Variants in CPLANE1 observed in about 807,000 individuals in gnomAD.
CPLANE1 encodes the protein ciliogenesis and planar polarity effector 1.
A neutral mutation model predicts 362.5 loss-of-function variants in CPLANE1; 263 were observed. That is an observed-to-expected ratio of 0.73 (90% CI 0.66 to 0.80). CPLANE1 has a LOEUF of 0.80. CPLANE1 is among the 30% of genes least tolerant of loss of function. The probability of loss-of-function intolerance (pLI) is 0.00; values close to 1 mark genes in which losing one functional copy is unlikely to be tolerated. For missense variants in CPLANE1, 3,461 were observed against 3,793.4 expected, an observed-to-expected ratio of 0.91 and a Z score of 2.30; for synonymous variants, 1,212 against 1,302.6, an observed-to-expected ratio of 0.93 and a Z score of 1.50.
downstream of CPLANE1, among the ~76,000 whole-genome samples, chr5:37,104,801 T>C (rs1317282664): frequency 2.0e-5 from 3 of 150,970 alleles, no homozygotes; most frequent in Non-Finnish European, 4.4e-5. Context: ...CAGGCGCCTG[T>C]AGTCCCAGCT....
intron 38 of CPLANE1, 119 bp downstream of exon 38, chr5:37,162,346 G>A (rs1466332988): frequency 1.6e-6 from 1 of 636,368 alleles, no homozygotes; most frequent in Non-Finnish European, 2.7e-6. Context: ...AATCTAGGCA[G>A]AGTAAATAAT....
intron 23 of CPLANE1, 81 bp downstream of exon 23, chr5:37,187,333 T>A: frequency 8.4e-7 from 1 of 1,184,234 alleles, no homozygotes; most frequent in African/African-American, 1.6e-5. Context: ...AAAGGCAACA[T>A]CATCCTTAAT....
At chr5:37,197,910 C>G (rs2151396801) in intron 20 of CPLANE1, among the ~76,000 whole-genome samples, 1 of 152,268 alleles carries the variant, frequency 6.6e-6, no homozygotes, top group South Asian at 2.1e-4. Flanking sequence ...CAACCAACCA[C>G]TAGTTACTTT....
chr5:37,112,157 A>G (rs1261821960), intron 51 of CPLANE1, among the ~76,000 whole-genome samples: 4 of 152,244 alleles, frequency 2.6e-5, no homozygotes, highest in Non-Finnish European at 4.4e-5. Context: ...CCAAATGAAC[A>G]TAATTATTGT....
chr5:37,209,510 G>A lies in CPLANE1; in HGVS notation c.2921-3085C>T, dbSNP rs1439086056. On this transcript the variant is annotated intron_variant, in intron 16 of 52. Coordinates refer to ENST00000651892, the MANE Select transcript of CPLANE1 (RefSeq NM_001384732.1). The surrounding 1 kb of genome is among the most constrained non-coding windows in gnomAD (Gnocchi z 4.6). Reference sequence around the variant, plus strand: ...GAAACCAGCTAATTCATGAGTTAATGCACCCTGTATTGAGTGGAGAACTGC... The same window carrying A: ...GAAACCAGCTAATTCATGAGTTAATACACCCTGTATTGAGTGGAGAACTGC... 2 of 1,274,946 alleles carry A rather than the reference G, an allele frequency of 1.6e-6. No individual in the cohort carries two copies. Among genetic ancestry groups the A allele is most frequent in the Non-Finnish European group, 2.3e-6 (2 of 872,320 alleles). 79.0% of individuals were successfully genotyped at this position (1,274,946 alleles called of 1,614,324 possible). A position where few individuals can be genotyped will look rare whatever the true frequency, so the allele number is the denominator to read the frequency against.
intron 39 of CPLANE1, 119 bp downstream of exon 39, chr5:37,158,105 C>A: frequency 8.5e-7 from 1 of 1,175,842 alleles, no homozygotes; most frequent in South Asian, 1.6e-5. Context: ...ACCTTTACTA[C>A]AAAGCTACAT....
chr5:37,227,577 T>C lies in CPLANE1; in HGVS notation c.1362A>G (p.Ile454Met). 6.4e-7 allele frequency: 1 copy of C among 1,550,420 alleles called. No individual in the cohort carries two copies. The highest frequency in any genetic ancestry group is 1.2e-5 in the South Asian group (1 of 83,704). Residue 454 changes from isoleucine to methionine, a missense_variant, in exon 10 of 53, where the codon ATA becomes ATG. Physicochemically the swap from Ile to Met is conservative, Grantham distance 10. This residue lies in a region of CPLANE1 where 3,380 missense variants were observed against 3,666.1 expected (regional missense o/e 0.92). Coordinates refer to ENST00000651892, the MANE Select transcript of CPLANE1 (RefSeq NM_001384732.1). ...QRLEKIYQSV[I>M]LSKPKGKGLN... ...TAAAAAAGCACTATACCTTAGACAA[T>C]ATCACACTTTGATATATTTTCTCAA...
intron 44 of CPLANE1, chr5:37,141,675 A>AG: frequency 2.0e-6 from 2 of 984,206 alleles, no homozygotes; most frequent in Non-Finnish European, 2.4e-6. Flanking sequence ...AATATCTGAG[A>AG]GAAAAAAAAT....
At chr5:37,210,781 C>A in intron 16 of CPLANE1, 1 of 1,274,288 alleles carries the variant, frequency 7.8e-7, no homozygotes, top group Non-Finnish European at 1.1e-6. Context: ...AACCGCCTAG[C>A]TCAGCTGGCT....
chr5:37,187,208 T>C (rs778091660), intron 23 of CPLANE1, among the ~76,000 whole-genome samples: 5 of 151,990 alleles, frequency 3.3e-5, no homozygotes, highest in Admixed American at 6.6e-5. Context: ...ACAACCACCA[T>C]TCCACTCTCT....
At chr5:37,167,762 G>T (rs1242515282) in intron 34 of CPLANE1, among the ~76,000 whole-genome samples, 1 of 152,160 alleles carries the variant, frequency 6.6e-6, no homozygotes, top group African/African-American at 2.4e-5. Context: ...TGGTGACAGG[G>T]CAAGGCTCCG....
the CPLANE1 span, among the ~76,000 whole-genome samples, chr5:37,100,941 G>A: frequency 1.3e-5 from 2 of 152,138 alleles, no homozygotes; most frequent in African/African-American, 4.8e-5. Context: ...GAATGTCAGC[G>A]ATTTTTGCAC....
In CPLANE1 at chr5:37,108,441, T is replaced by C. The variant is rs754053320; in HGVS notation, c.9431A>G (p.His3144Arg). The C allele has an allele frequency of 3.1e-6, 5 of 1,614,086 alleles. No individual in the cohort carries two copies. The highest frequency in any genetic ancestry group is 3.4e-6 in the Non-Finnish European group (4 of 1,180,032). The change falls in exon 52 of 53, where the codon CAT (histidine) becomes CGT (arginine). Residue 3144 changes from histidine to arginine, a missense_variant. Around this residue, in one of 2 missense-constraint regions of CPLANE1, gnomAD observed 3,380 missense variants for 3,666.1 expected, o/e 0.92. Coordinates refer to ENST00000651892, the MANE Select transcript of CPLANE1 (RefSeq NM_001384732.1). ...GSNAPCHSLQHTKKHGSAGLA... is the reference protein window; with the variant it reads ...GSNAPCHSLQRTKKHGSAGLA... Reference sequence around the variant, plus strand: ...CCCAGCACTTCCATGTTTTTTTGTATGCTGCAGACTATGACACGGAGCATT... The same window carrying C: ...CCCAGCACTTCCATGTTTTTTTGTACGCTGCAGACTATGACACGGAGCATT...
At chr5:37,210,427 T>A in intron 16 of CPLANE1, 1 of 1,015,912 alleles carries the variant, frequency 9.8e-7, no homozygotes, top group Non-Finnish European at 1.5e-6. Flanking sequence ...AAGTATCAAC[T>A]TGAACTAAAG....
chr5:37,102,080 G>T (rs1757320696), downstream of CPLANE1, among the ~76,000 whole-genome samples: 1 of 150,770 alleles, frequency 6.6e-6, no homozygotes, highest in Non-Finnish European at 1.5e-5. Context: ...TTTCATGTCT[G>T]TATTTCCTTC....
At chr5:37,227,926 C>T in intron 9 of CPLANE1, 109 bp from the exon 10 acceptor site, 1 of 1,008,194 alleles carries the variant, frequency 9.9e-7, no homozygotes, top group Non-Finnish European at 1.4e-6. Flanking sequence ...AAAAAGCAAG[C>T]AAGTGAAACA....
At chr5:37,201,850 T>C (rs775296097) in intron 18 of CPLANE1, 42 bp from the exon 19 acceptor site, 7 of 1,366,304 alleles carry the variant, frequency 5.1e-6, no homozygotes, top group Non-Finnish European at 4.1e-6. Context: ...AAAGCTTGTA[T>C]TAAACTTCTT....
At chr5:37,235,295 T>G (rs755991802) in intron 8 of CPLANE1, among the ~76,000 whole-genome samples, 1 of 152,028 alleles carries the variant, frequency 6.6e-6, no homozygotes, top group African/African-American at 2.4e-5. Context: ...AAGATCTCTA[T>G]GAGGAGAACA....
At chr5:37,115,155 G>A in intron 50 of CPLANE1, 106 bp from the exon 51 acceptor site, 1 of 773,514 alleles carries the variant, frequency 1.3e-6, no homozygotes. Flanking sequence ...CTTTGAATCT[G>A]CTCACCAAGC....
Sources: allele counts gnomAD v4.1 joint callset (sites outside exome capture counted in the v4.1 genomes callset), GRCh38; gene constraint gnomAD v4.1.1; regional missense constraint gnomAD v4.1.1; non-coding constraint Gnocchi (gnomAD v3.1); transcripts MANE v1.5; gene names NCBI Gene and HGNC (gene_info 2026-07-23, HGNC 2026-07-21).